GALNTL6: variants seen among roughly 807,000 people sequenced by gnomAD.
GALNTL6 encodes the protein polypeptide N-acetylgalactosaminyltransferase-like 6.
Under a neutral mutation model 73.7 loss-of-function variants are expected in GALNTL6, and 46 were observed. That is an observed-to-expected ratio of 0.62 (90% CI 0.49 to 0.80). The LOEUF (loss-of-function observed/expected upper bound fraction) is 0.80. GALNTL6 is among the 30% of genes least tolerant of loss of function. The pLI is 0.00. For missense variants in GALNTL6, 604 were observed against 755.0 expected (o/e 0.80, Z 2.34); for synonymous variants, 259 against 263.7 (o/e 0.98, Z 0.17).
At chr4:172,619,576 A>G (rs1738877909) in intron 5 of GALNTL6, among the ~76,000 whole-genome samples, 1 of 152,184 alleles carries the variant, frequency 6.6e-6, no homozygotes, top group East Asian at 1.9e-4. Context: ...GAACTTTGTC[A>G]TATGCTTTCA....
chr4:172,740,413 TCA>T (rs1271776418), intron 5 of GALNTL6, among the ~76,000 whole-genome samples: 1 of 152,196 alleles, frequency 6.6e-6, no homozygotes, highest in Non-Finnish European at 1.5e-5. Context: ...ATCGTGTTGT[TCA>T]CAGTCTATCC....
At chr4:172,079,750 T>C (rs549403236) in intron 2 of GALNTL6, among the ~76,000 whole-genome samples, 1 of 152,118 alleles carries the variant, frequency 6.6e-6, no homozygotes, top group Non-Finnish European at 1.5e-5. Context: ...CTTATTTTTC[T>C]ACTGAAATAA....
chr4:172,961,881 T>A (rs890086718), intron 10 of GALNTL6, among the ~76,000 whole-genome samples: 1 of 152,214 alleles, frequency 6.6e-6, no homozygotes, highest in African/African-American at 2.4e-5. Context: ...TCCCCCGATC[T>A]GAGTCATGGC....
chr4:172,822,518 A>G (rs1487825082), intron 7 of GALNTL6, among the ~76,000 whole-genome samples: 2 of 152,136 alleles, frequency 1.3e-5, no homozygotes, highest in African/African-American at 2.4e-5. Flanking sequence ...CTTTTGTTCT[A>G]ACTATCCTCT....
Position 172,069,535 on chromosome 4 carries a change from A to ATGTTATATATGACACATATATGTG in GALNTL6, c.139-160120_139-160119insGTTATATATGACACATATATGTGT. On this transcript the variant is annotated intron_variant, in intron 2 of 12. Coordinates refer to ENST00000506823, the MANE Select transcript of GALNTL6 (RefSeq NM_001034845.3). The stretch of plus-strand genomic sequence containing the variant: ...TATATGTTATATGTATAACACATAT[A>ATGTTATATATGACACATATATGTG]TTATATATAACACATATATGTTATA... Among the ~76,000 whole-genome samples, 2 of 55,984 alleles carry ATGTTATATATGACACATATATGTG rather than the reference A, an allele frequency of 3.6e-5. 1 individual carries two copies. The highest frequency in any genetic ancestry group is 1.0e-3 in the South Asian group (2 of 2,010). The allele number at this position is 55,984 out of a possible 152,430, so 36.7% of individuals were successfully genotyped here.
At chr4:172,279,312 A>G (rs1004334672) in intron 3 of GALNTL6, among the ~76,000 whole-genome samples, 1 of 152,148 alleles carries the variant, frequency 6.6e-6, no homozygotes, top group Non-Finnish European at 1.5e-5. Flanking sequence ...TTCTCAATCA[A>G]ATATCTGATA....
chr4:172,840,402 G>A (rs1163274675), intron 7 of GALNTL6, among the ~76,000 whole-genome samples: 2 of 152,168 alleles, frequency 1.3e-5, no homozygotes, highest in Non-Finnish European at 2.9e-5. Context: ...TTTCCCTTCC[G>A]CCAGCTGCTG....
At chr4:172,196,006 G>T (rs1347584485) in intron 2 of GALNTL6, among the ~76,000 whole-genome samples, 10 of 127,214 alleles carry the variant, frequency 7.9e-5, no homozygotes, top group African/African-American at 1.5e-4. Flanking sequence ...CAGGAGCTGG[G>T]TTTTTTTTTT....
chr4:171,892,809 AC>A (rs1261075859), intron 2 of GALNTL6, among the ~76,000 whole-genome samples: 1 of 152,110 alleles, frequency 6.6e-6, no homozygotes, highest in Non-Finnish European at 1.5e-5. Context: ...TGATGCTACA[AC>A]CTCGGCCTCT....
At chr4:172,888,083 A>T (rs1439691060) in intron 8 of GALNTL6, among the ~76,000 whole-genome samples, 1 of 152,164 alleles carries the variant, frequency 6.6e-6, no homozygotes, top group Non-Finnish European at 1.5e-5. Flanking sequence ...GATTCGAGAT[A>T]TTAGACCTTT....
At chr4:172,280,287 C>T (rs1738997399) in intron 3 of GALNTL6, among the ~76,000 whole-genome samples, 2 of 151,978 alleles carry the variant, frequency 1.3e-5, no homozygotes, top group Non-Finnish European at 2.9e-5. Flanking sequence ...GAAGACAATA[C>T]TTAGGGAGTT....
intron 2 of GALNTL6, among the ~76,000 whole-genome samples, chr4:171,948,846 A>C (rs1224305289): frequency 6.6e-6 from 1 of 152,132 alleles, no homozygotes; most frequent in East Asian, 1.9e-4. Flanking sequence ...ATTTACTGTT[A>C]GCAAATGATG....
intron 2 of GALNTL6, among the ~76,000 whole-genome samples, chr4:171,854,984 A>C: frequency 7.4e-5 from 11 of 149,316 alleles, no homozygotes; most frequent in South Asian, 2.1e-4. Flanking sequence ...TTCTGCCCCC[A>C]CCTCCTCCTG....
intron 5 of GALNTL6, among the ~76,000 whole-genome samples, chr4:172,691,342 G>A (rs1208784227): frequency 6.6e-6 from 1 of 152,154 alleles, no homozygotes; most frequent in African/African-American, 2.4e-5. Context: ...CACAGAAATG[G>A]CATTTACTGT....
At chr4:172,363,362 C>T (rs1435720698) in intron 5 of GALNTL6, among the ~76,000 whole-genome samples, 1 of 152,084 alleles carries the variant, frequency 6.6e-6, no homozygotes, top group Admixed American at 6.6e-5. Flanking sequence ...CAGGCTACGC[C>T]ATTTACTGTG....
At chr4:172,370,058 G>A (rs1220886684) in intron 5 of GALNTL6, among the ~76,000 whole-genome samples, 1 of 152,212 alleles carries the variant, frequency 6.6e-6, no homozygotes, top group Non-Finnish European at 1.5e-5. Context: ...CCCAACTGCT[G>A]TTGGGAATTT....
rs543075250 is a variant in GALNTL6 at position 172,400,787 on chromosome 4, G to A, written c.553+52098G>A. The stretch of plus-strand genomic sequence containing the variant: ...AGAGCCCAGCATGAGGGATTCTGAC[G>A]AGTTTTATTTCCAGACGAGCCTCCA... On this transcript the variant is annotated intron_variant, in intron 5 of 12. Coordinates refer to ENST00000506823, the MANE Select transcript of GALNTL6 (RefSeq NM_001034845.3). Among the ~76,000 whole-genome samples, 5 of 152,206 alleles carry A rather than the reference G, an allele frequency of 3.3e-5. No homozygotes were observed. The East Asian group carries it at 7.7e-4, about 24-fold the overall frequency.
intron 2 of GALNTL6, among the ~76,000 whole-genome samples, chr4:172,189,377 A>G (rs1044186455): frequency 1.3e-5 from 2 of 152,320 alleles, no homozygotes; most frequent in Admixed American, 1.3e-4. Flanking sequence ...GTGAATCTAT[A>G]AGGCCAATTC....
chr4:172,206,021 T>G (rs942014125), intron 2 of GALNTL6, among the ~76,000 whole-genome samples: 21 of 152,262 alleles, frequency 1.4e-4, no homozygotes, highest in Admixed American at 1.2e-3. Flanking sequence ...GGAAAGAATA[T>G]GTACATATGC....
Sources: allele counts gnomAD v4.1 joint callset (sites outside exome capture counted in the v4.1 genomes callset), GRCh38; gene constraint gnomAD v4.1.1; transcripts MANE v1.5; gene names NCBI Gene and HGNC (gene_info 2026-07-23, HGNC 2026-07-21).